ATP6AP1: variants seen among roughly 807,000 people sequenced by gnomAD.
The protein encoded by ATP6AP1 is V-type proton ATPase subunit S1.
In ATP6AP1, 1 loss-of-function variant was observed where a neutral mutation model predicts 32.0. The ratio of observed to expected loss-of-function variants is 0.03; its 90% CI spans 0.01 to 0.15. The LOEUF (loss-of-function observed/expected upper bound fraction) is 0.15. Among genes scored for constraint, ATP6AP1 ranks in the 10% least tolerant of loss-of-function variants. ATP6AP1 has a pLI of 1.00. For missense variants in ATP6AP1, 297 were observed against 398.8 expected (o/e 0.74, Z 2.17); for synonymous variants, 187 against 174.9 (o/e 1.07, Z -0.55).
chrX:154,434,029 A>G (rs1016581274), intron 6 of ATP6AP1, among the ~76,000 whole-genome samples, 179 bp from the exon 7 acceptor site: 2 of 111,515 alleles, frequency 1.8e-5, no homozygotes, highest in Non-Finnish European at 3.8e-5. Flanking sequence ...TAGGAATGTC[A>G]TCAGGGTTTA....
At position 154,432,365 on chromosome X, in the gene ATP6AP1, A is replaced by T; in HGVS notation, c.463A>T (p.Ser155Cys). The part of the protein sequence containing the change: ...TTYLQEKLGA[S>C]PLHVDLATLR... The stretch of plus-strand genomic sequence containing the variant: ...TTACCTGCAGGAGAAGCTCGGGGCC[A>T]GCCCCTTGCATGTGGACCTGGCCAC... Residue 155 changes from serine to cysteine, a missense_variant, in exon 4 of 10, where the codon AGC becomes TGC. Ser to Cys is a moderately radical substitution (Grantham distance 112, BLOSUM62 -1). Coordinates refer to ENST00000369762, the MANE Select transcript of ATP6AP1 (RefSeq NM_001183.6). 1 of 1,211,725 alleles carries T rather than the reference A, an allele frequency of 8.3e-7. No individual in the cohort carries two copies. The highest frequency in any genetic ancestry group is 1.7e-5 in the African/African-American group (1 of 58,038).
intron 2 of ATP6AP1, 32 bp downstream of exon 2, chrX:154,429,206 C>G (rs1557196397): frequency 8.3e-7 from 1 of 1,205,058 alleles, no homozygotes. Flanking sequence ...CTCCCCCGGT[C>G]ATCGGGAGGC....
intron 3 of ATP6AP1, 128 bp downstream of exon 3, chrX:154,432,032 C>G: frequency 1.3e-6 from 1 of 775,686 alleles, no homozygotes; most frequent in Non-Finnish European, 1.9e-6. Flanking sequence ...AACCATCCCC[C>G]CCAAAAACAA....
intron 2 of ATP6AP1, chrX:154,429,925 C>T (rs1274134408): frequency 1.8e-5 from 2 of 111,752 alleles, no homozygotes; most frequent in East Asian, 5.6e-4. Flanking sequence ...GCTGTGTGGG[C>T]AGATGGTGGT....
chrX:154,432,337 C>T lies in ATP6AP1; in HGVS notation c.435C>T (p.Thr145=). The T allele has an allele frequency of 1.6e-6, 2 of 1,212,319 alleles. No individual in the cohort carries two copies. Among genetic ancestry groups the T allele is most frequent in the Non-Finnish European group, 2.2e-6 (2 of 895,588 alleles). ...ACTGGTATGCAGTCAGCACTCTGAC[C>T]ACTTACCTGCAGGAGAAGCTCGGGG... ...AVDWYAVSTL[T]TYLQEKLGAS... is the part of the protein sequence containing the mutation. The change falls in exon 4 of 10, where the codon ACC becomes ACT. Residue 145 remains threonine (T), a synonymous_variant. Coordinates refer to ENST00000369762, the MANE Select transcript of ATP6AP1 (RefSeq NM_001183.6).
At chrX:154,431,928 G>C (rs782508007) in intron 3 of ATP6AP1, 24 bp downstream of exon 3, 2 of 1,193,048 alleles carry the variant, frequency 1.7e-6, no homozygotes, top group South Asian at 3.5e-5. Flanking sequence ...CCCAGCCAGG[G>C]GCCATGGGGG....
In ATP6AP1 at chrX:154,435,340, A is replaced by C; in HGVS notation, c.1038A>C (p.Glu346Asp). Residue 346 changes from glutamate (E) to aspartate (D), a missense_variant, in exon 9 of 10, where the codon GAA becomes GAC. Physicochemically the swap from Glu to Asp is conservative, Grantham distance 45. This residue lies in a region of ATP6AP1 where 155 missense variants were observed against 253.8 expected (regional missense o/e 0.61). Coordinates refer to ENST00000369762, the MANE Select transcript of ATP6AP1 (RefSeq NM_001183.6). ...ACTGGTTTACCATGGAGCGCCTCGA[A>C]GTCCACAGCAATGGCTCCGTCGCCT... ...ARHWFTMERL[E>D]VHSNGSVAYF... 1 of 1,211,924 alleles carries C rather than the reference A, an allele frequency of 8.3e-7. No individual in the cohort carries two copies. The highest frequency in any genetic ancestry group is 1.8e-5 in the South Asian group (1 of 57,031).
At chrX:154,430,008 C>T (rs2068685140) in intron 2 of ATP6AP1, 1 of 112,284 alleles carries the variant, frequency 8.9e-6, no homozygotes, top group African/African-American at 3.2e-5. Context: ...TACCATGTAA[C>T]CAGCCATTGG....
In ATP6AP1 at chrX:154,429,031, CTT is replaced by C. The variant is rs1557196349; in HGVS notation, c.162-16_162-15del. 8.3e-7 allele frequency: 1 copy of C among 1,210,326 alleles called. No homozygotes were observed. On this transcript the variant is annotated splice_polypyrimidine_tract_variant and intron_variant, in intron 1 of 9. Coordinates refer to ENST00000369762, the MANE Select transcript of ATP6AP1 (RefSeq NM_001183.6). Reference sequence around the variant, plus strand: ...CATGCGCCCCCGTCTGACAGCACCTCTTCTGTGCCCTGCCAGGGACTTGTGGG... The same window carrying C: ...CATGCGCCCCCGTCTGACAGCACCTCCTGTGCCCTGCCAGGGACTTGTGGG...
At position 154,435,986 on chromosome X, in the gene ATP6AP1, A is replaced by G. The variant is rs8425; in HGVS notation, c.*95A>G. The G allele has an allele frequency of 0.039, 33,436 of 868,415 alleles. 511 individuals carry two copies. Among genetic ancestry groups the G allele is most frequent in the Admixed American group, 0.074 (3,122 of 42,044 alleles). 71.6% of individuals were successfully genotyped at this position (868,415 alleles called of 1,213,427 possible). A position where few individuals can be genotyped will look rare whatever the true frequency, so the allele number is the denominator to read the frequency against. On this transcript the variant is annotated 3_prime_UTR_variant, in exon 10 of 10. Coordinates refer to ENST00000369762, the MANE Select transcript of ATP6AP1 (RefSeq NM_001183.6). Reference sequence around the variant, plus strand: ...TGGACTGAAGAGCTTCCCTCTTCCTACTGCAGCATGAACTGCAAGCTCCCC... The same window carrying G: ...TGGACTGAAGAGCTTCCCTCTTCCTGCTGCAGCATGAACTGCAAGCTCCCC...
Position 154,435,523 on chromosome X carries a change from C to T in ATP6AP1, c.1203+18C>T. 3 of 1,205,506 alleles carry T rather than the reference C, an allele frequency of 2.5e-6. No homozygotes were observed. Among genetic ancestry groups the T allele is most frequent in the Non-Finnish European group, 3.4e-6 (3 of 891,626 alleles). On this transcript the variant is annotated intron_variant, in intron 9 of 9. Coordinates refer to ENST00000369762, the MANE Select transcript of ATP6AP1 (RefSeq NM_001183.6). ...ACTTCCAGGTATGGAGCGGGCGTGG[C>T]CCAGCTTCAGGTGGGGGAGCCCAGG...
chrX:154,434,990 CCTAT>C (rs1274087785), intron 7 of ATP6AP1, 145 bp from the exon 8 acceptor site: 1 of 616,803 alleles, frequency 1.6e-6, no homozygotes, highest in Non-Finnish European at 2.5e-6. Context: ...CCTCAGTTTT[CCTAT>C]CTGTCAAGTG....
intron 9 of ATP6AP1, 59 bp from the exon 10 acceptor site, chrX:154,435,623 C>T (rs1308463480): frequency 8.4e-7 from 1 of 1,185,491 alleles, no homozygotes; most frequent in Non-Finnish European, 1.1e-6. Context: ...CTGCCCCTGT[C>T]CCAGTTCTTG....
rs782237398 is a variant in ATP6AP1, at chrX:154,429,199, C to T, written c.288+25C>T. The T allele has an allele frequency of 3.3e-6, 4 of 1,207,843 alleles. No individual in the cohort carries two copies. The South Asian group carries it at 7.1e-5, about 21-fold the overall frequency. ...GGTGCGCCCGCCCCAGCCCACTCTC[C>T]CCCGGTCATCGGGAGGCAGCCAGGC... On this transcript the variant is annotated intron_variant, in intron 2 of 9. Coordinates refer to ENST00000369762, the MANE Select transcript of ATP6AP1 (RefSeq NM_001183.6).
chrX:154,428,683 G>A lies in ATP6AP1; in HGVS notation c.-10G>A, dbSNP rs781978130. On this transcript the variant is annotated 5_prime_UTR_variant, in exon 1 of 10. Transcript: ENST00000369762. ...CTGTCGAGGCCGCTGAGGCAGTGGA[G>A]GCTGAGGCTATGATGGCGGCCATGG... The A allele has an allele frequency of 7.0e-6, 8 of 1,147,413 alleles. No individual in the cohort carries two copies. In the East Asian group the frequency reaches 2.4e-4, roughly 35 times the overall value. The allele number at this position is 1,147,413 out of a possible 1,213,427, so 94.6% of individuals were successfully genotyped here. A position where few individuals can be genotyped will look rare whatever the true frequency, so the allele number is the denominator to read the frequency against.
chrX:154,435,956 C>T lies in ATP6AP1; in HGVS notation c.*65C>T. The T allele has an allele frequency of 3.9e-6, 4 of 1,034,019 alleles. No individual in the cohort carries two copies. Among genetic ancestry groups the T allele is most frequent in the East Asian group, 3.0e-5 (1 of 33,034 alleles). 85.2% of individuals were successfully genotyped at this position (1,034,019 alleles called of 1,213,427 possible). A position where few individuals can be genotyped will look rare whatever the true frequency, so the allele number is the denominator to read the frequency against. On this transcript the variant is annotated 3_prime_UTR_variant, in exon 10 of 10. Coordinates refer to ENST00000369762, the MANE Select transcript of ATP6AP1 (RefSeq NM_001183.6). ...GTGTTGTTGCTTTCCCACCCTGCAG[C>T]GCACTGGACTGAAGAGCTTCCCTCT...
At chrX:154,434,099 A>AT in intron 6 of ATP6AP1, 109 bp from the exon 7 acceptor site, 1 of 775,964 alleles carries the variant, frequency 1.3e-6, no homozygotes. Context: ...GGACTTTGAG[A>AT]TAGTGGACAG....
At chrX:154,429,381 G>A in intron 2 of ATP6AP1, 1 of 459,237 alleles carries the variant, frequency 2.2e-6, no homozygotes, top group Non-Finnish European at 3.7e-6. Flanking sequence ...CTTGATTGGA[G>A]GAAGCGACGG....
At chrX:154,433,507 AT>A (rs1480268763) in intron 5 of ATP6AP1, 127 bp from the exon 6 acceptor site, 1 of 672,510 alleles carries the variant, frequency 1.5e-6, no homozygotes, top group Non-Finnish European at 2.4e-6. Context: ...GCTCCTAAGG[AT>A]CCTCAGTGGA....
Sources: allele counts gnomAD v4.1 joint callset (sites outside exome capture counted in the v4.1 genomes callset), GRCh38; gene constraint gnomAD v4.1.1; regional missense constraint gnomAD v4.1.1; transcripts MANE v1.5; gene names NCBI Gene and HGNC (gene_info 2026-07-23, HGNC 2026-07-21).